CACNG2: variants seen among roughly 807,000 people sequenced by gnomAD.
CACNG2 encodes calcium voltage-gated channel auxiliary subunit gamma 2.
CACNG2 carries 3 observed loss-of-function variants against 25.9 expected under a neutral mutation model. The observed-to-expected ratio is 0.12, with a 90% CI of 0.05 to 0.30. The LOEUF is 0.30. Among genes scored for constraint, CACNG2 ranks in the 10% least tolerant of loss-of-function variants. The pLI is 1.00. For missense variants in CACNG2, 341 were observed against 432.5 expected (o/e 0.79, Z 1.88); for synonymous variants, 167 against 173.3 (o/e 0.96, Z 0.29).
At chr22:36,651,128 T>G (rs1013753588) in intron 1 of CACNG2, among the ~76,000 whole-genome samples, 1 of 152,086 alleles carries the variant, frequency 6.6e-6, no homozygotes. Context: ...ATGCAAACAC[T>G]GTGTGGTCCC....
intron 1 of CACNG2, among the ~76,000 whole-genome samples, chr22:36,588,208 A>G (rs1042632886): frequency 3.9e-5 from 6 of 152,158 alleles, no homozygotes; most frequent in African/African-American, 1.4e-4. Context: ...CATTGTATAG[A>G]TGAGGAAACT....
Position 36,674,780 on chromosome 22 carries a change from G to A in CACNG2, c.211+27586C>T, listed in dbSNP as rs188935504. Among the ~76,000 whole-genome samples, 172 of 152,330 alleles carry A rather than the reference G, an allele frequency of 1.1e-3. 2 individuals are homozygous for A. Among genetic ancestry groups the A allele is most frequent in the Non-Finnish European group, 1.3e-3 (86 of 68,028 alleles). ...ACTGTGCTATGCCACTGGGAAGAGG[G>A]AGGTAGGGTGCACAGTGGGCACCTG... On this transcript the variant is annotated intron_variant, in intron 1 of 3. Coordinates refer to ENST00000300105, the MANE Select transcript of CACNG2 (RefSeq NM_006078.5).
intron 1 of CACNG2, among the ~76,000 whole-genome samples, chr22:36,653,982 C>CTG (rs34435196): frequency 0.31 from 42,046 of 133,584 alleles, 6,584 homozygotes; most frequent in Middle Eastern, 0.37. Context: ...GTGTGTGTCT[C>CTG]TGTGTGTGTG....
intron 1 of CACNG2, among the ~76,000 whole-genome samples, chr22:36,680,222 C>A (rs1438074604): frequency 6.6e-6 from 1 of 151,100 alleles, no homozygotes; most frequent in African/African-American, 2.4e-5. Context: ...ACCACCACTA[C>A]CACCACCATC....
intron 1 of CACNG2, among the ~76,000 whole-genome samples, chr22:36,639,037 C>T (rs911682489): frequency 3.3e-5 from 5 of 152,116 alleles, no homozygotes; most frequent in South Asian, 2.1e-4. Context: ...CTAACTCAGC[C>T]GGCGGAGGGG....
At chr22:36,646,165 A>G (rs1240220175) in intron 1 of CACNG2, among the ~76,000 whole-genome samples, 1 of 152,192 alleles carries the variant, frequency 6.6e-6, no homozygotes, top group Non-Finnish European at 1.5e-5. Flanking sequence ...ATATCTTTCC[A>G]TGGTTATATA....
intron 1 of CACNG2, among the ~76,000 whole-genome samples, chr22:36,649,149 G>C (rs529864762): frequency 9.9e-5 from 15 of 152,166 alleles, no homozygotes; most frequent in African/African-American, 3.6e-4. Context: ...CATGTCCTCC[G>C]CGGAGCTCCC....
chr22:36,613,042 G>A (rs1175696511), intron 1 of CACNG2, among the ~76,000 whole-genome samples: 3 of 152,154 alleles, frequency 2.0e-5, no homozygotes, highest in Non-Finnish European at 4.4e-5. Flanking sequence ...AGGTTAAATA[G>A]GTTTCCTTAC....
At chr22:36,573,694 C>T (rs1935269418) in intron 2 of CACNG2, among the ~76,000 whole-genome samples, 1 of 152,180 alleles carries the variant, frequency 6.6e-6, no homozygotes, top group African/African-American at 2.4e-5. Flanking sequence ...AGAGGTTAAG[C>T]CATTTGTTCA....
chr22:36,620,593 A>C (rs1051281301), intron 1 of CACNG2, among the ~76,000 whole-genome samples: 2 of 152,216 alleles, frequency 1.3e-5, no homozygotes, highest in Non-Finnish European at 2.9e-5. Context: ...CAGCAATATT[A>C]TTGACTGTGG....
intron 1 of CACNG2, among the ~76,000 whole-genome samples, chr22:36,604,916 C>A (rs1569026651): frequency 6.6e-6 from 1 of 151,964 alleles, no homozygotes; most frequent in East Asian, 1.9e-4. Flanking sequence ...CAGCTGGGAC[C>A]ACAGATATGT....
intron 1 of CACNG2, among the ~76,000 whole-genome samples, chr22:36,627,099 G>C (rs1936196021): frequency 2.0e-5 from 3 of 152,190 alleles, no homozygotes; most frequent in African/African-American, 7.2e-5. Context: ...TCAGGCTTGA[G>C]ACAGTAAACT....
Position 36,563,800 on chromosome 22 carries a change from C to G in CACNG2, c.*551G>C, listed in dbSNP as rs1603500092. On this transcript the variant is annotated 3_prime_UTR_variant, in exon 4 of 4. Transcript: ENST00000300105. Reference sequence around the variant, plus strand: ...CCCCCAATCTCCCAGGGAGGCAGGGCCCGCTGGGGGTTAAAGGGAACAGAA... The same window carrying G: ...CCCCCAATCTCCCAGGGAGGCAGGGGCCGCTGGGGGTTAAAGGGAACAGAA... 1.3e-5 allele frequency: 2 copies of G among 150,968 alleles called. No individual in the cohort carries two copies. Among genetic ancestry groups the G allele is most frequent in the Admixed American group, 1.3e-4 (2 of 15,220 alleles). The allele number at this position is 150,968 out of a possible 1,614,324, so 9.4% of individuals were successfully genotyped here.
intron 1 of CACNG2, among the ~76,000 whole-genome samples, chr22:36,598,720 T>C (rs941136338): frequency 2.0e-5 from 3 of 151,968 alleles, no homozygotes; most frequent in African/African-American, 7.3e-5. Flanking sequence ...GGCTCACGCC[T>C]GTAATCCCAG....
chr22:36,630,203 T>C (rs1936247339), intron 1 of CACNG2, among the ~76,000 whole-genome samples: 1 of 151,888 alleles, frequency 6.6e-6, no homozygotes, highest in African/African-American at 2.4e-5. Context: ...TTGTAAGGGG[T>C]GGCAGTGGGT....
chr22:36,693,859 T>C (rs1026886618), intron 1 of CACNG2, among the ~76,000 whole-genome samples: 1 of 152,216 alleles, frequency 6.6e-6, no homozygotes, highest in Non-Finnish European at 1.5e-5. Flanking sequence ...GAATCCCCTG[T>C]GCGTACATTT....
intron 1 of CACNG2, among the ~76,000 whole-genome samples, chr22:36,594,783 C>CTG (rs767482884): frequency 5.4e-5 from 6 of 111,764 alleles, no homozygotes; most frequent in African/African-American, 1.1e-4. Flanking sequence ...GTGTGTGTGT[C>CTG]TGTGTGTGTG....
At chr22:36,577,177 A>T (rs1935332799) in intron 2 of CACNG2, among the ~76,000 whole-genome samples, 1 of 152,216 alleles carries the variant, frequency 6.6e-6, no homozygotes, top group African/African-American at 2.4e-5. Context: ...CACTTGAAGC[A>T]ATGAGAATAA....
At chr22:36,679,815 A>T (rs1183335530) in intron 1 of CACNG2, among the ~76,000 whole-genome samples, 8 of 152,024 alleles carry the variant, frequency 5.3e-5, no homozygotes, top group Non-Finnish European at 7.4e-5. Context: ...AAAATTCAGA[A>T]TTTTTCTTCT....
Sources: allele counts gnomAD v4.1 joint callset (sites outside exome capture counted in the v4.1 genomes callset), GRCh38; gene constraint gnomAD v4.1.1; transcripts MANE v1.5; gene names NCBI Gene and HGNC (gene_info 2026-07-23, HGNC 2026-07-21).